The following ARHGAP39 variants were observed in gnomAD, a reference collection of about 807,000 sequenced individuals.
The protein encoded by ARHGAP39 is Rho GTPase activating protein 39.
ARHGAP39 carries 44 observed loss-of-function variants against 106.9 expected under a neutral mutation model. The observed-to-expected ratio is 0.41, with a 90% CI of 0.32 to 0.53. The LOEUF (loss-of-function observed/expected upper bound fraction) is 0.53. ARHGAP39 is among the 20% of genes least tolerant of loss of function. ARHGAP39 has a pLI of 0.21. For missense variants in ARHGAP39, 1,496 were observed against 1,577.3 expected (o/e 0.95, Z 0.87); for synonymous variants, 768 against 693.2 (o/e 1.11, Z -1.69).
the ARHGAP39 span, among the ~76,000 whole-genome samples, chr8:144,695,365 C>T: frequency 6.6e-6 from 1 of 151,424 alleles, no homozygotes; most frequent in Admixed American, 6.6e-5. Context: ...TGAACCACTG[C>T]GCCTGGCCAT....
In ARHGAP39 at chr8:144,545,334, C is replaced by A; in HGVS notation, c.2436G>T (p.Leu812=). The stretch of plus-strand genomic sequence containing the variant: ...ACTTGGGGGTGGGCGGGAAAAAGGC[C>A]AGGCAGATGGCCATGAGCTCCCAGC... The part of the protein sequence containing the change: ...ARGWELMAIC[L]AFFPPTPKFH... Residue 812 remains leucine (L), a synonymous_variant, in exon 6 of 12, where the codon CTG becomes CTT. Coordinates refer to ENST00000377307, the MANE Select transcript of ARHGAP39 (RefSeq NM_025251.3). 1 of 1,598,662 alleles carries A rather than the reference C, an allele frequency of 6.3e-7. No individual in the cohort carries two copies. Among genetic ancestry groups the A allele is most frequent in the Non-Finnish European group, 8.5e-7 (1 of 1,169,660 alleles).
At chr8:144,637,492 C>A (rs1821200493) in intron 1 of ARHGAP39, among the ~76,000 whole-genome samples, 1 of 152,132 alleles carries the variant, frequency 6.6e-6, no homozygotes, top group South Asian at 2.1e-4. Flanking sequence ...TGCCTGTAAT[C>A]CCAGCTACTC....
At chr8:144,622,713 A>G (rs1402275429) in intron 1 of ARHGAP39, among the ~76,000 whole-genome samples, 3 of 152,266 alleles carry the variant, frequency 2.0e-5, no homozygotes, top group Non-Finnish European at 4.4e-5. Flanking sequence ...AACTTTAAAA[A>G]TCTATCACTG....
rs886780013 is a variant in ARHGAP39, at chr8:144,644,293, C to T, written c.-81-38598G>A. Among the ~76,000 whole-genome samples, 1 of 152,134 alleles carries T rather than the reference C, an allele frequency of 6.6e-6. No individual in the cohort carries two copies. The highest frequency in any genetic ancestry group is 2.4e-5 in the African/African-American group (1 of 41,410). ...ACCCTGGAGAAAGTGTTTTAAAAAACAAAAGAAAGCAGGCAACAAAGTCAG... is the reference window on the plus strand; with the variant it reads ...ACCCTGGAGAAAGTGTTTTAAAAAATAAAAGAAAGCAGGCAACAAAGTCAG... On this transcript the variant is annotated intron_variant, in intron 1 of 11. Transcript: ENST00000377307. This position sits in a 1 kb window ranked among gnomAD's most constrained non-coding sequence, Gnocchi z 4.8.
At position 144,547,489 on chromosome 8, in the gene ARHGAP39, G is replaced by A. The variant is rs1297287349; in HGVS notation, c.1597C>T (p.Leu533Phe). The change falls in exon 5 of 12, where the codon CTC becomes TTC. Residue 533 changes from leucine (L) to phenylalanine (F), a missense_variant. Physicochemically the swap from Leu to Phe is conservative, Grantham distance 22. Transcript: ENST00000377307. The surrounding 1 kb of genome is among the most constrained non-coding windows in gnomAD (Gnocchi z 5.2). ...CCTTCCGCTCGCTTCACGGGGGCGAGGCTGGTCCCGCACGGGGGCTGTTCC... is the reference window on the plus strand; with the variant it reads ...CCTTCCGCTCGCTTCACGGGGGCGAAGCTGGTCCCGCACGGGGGCTGTTCC... ...AEEQPPCGTS[L>F]APVKRAEGEA... is the part of the protein sequence containing the mutation. 1.3e-6 allele frequency: 2 copies of A among 1,522,530 alleles called. No individual in the cohort carries two copies. The highest frequency in any genetic ancestry group is 1.8e-6 in the Non-Finnish European group (2 of 1,138,970). The allele number at this position is 1,522,530 out of a possible 1,614,324, so 94.3% of individuals were successfully genotyped here. A position where few individuals can be genotyped will look rare whatever the true frequency, so the allele number is the denominator to read the frequency against.
intron 3 of ARHGAP39, among the ~76,000 whole-genome samples, chr8:144,565,804 G>A (rs1818372550): frequency 6.6e-6 from 1 of 151,904 alleles, no homozygotes; most frequent in African/African-American, 2.4e-5. Context: ...CACAAACACA[G>A]TCTAAAGAAA....
chr8:144,697,691 C>A, the ARHGAP39 span, among the ~76,000 whole-genome samples: 1 of 152,024 alleles, frequency 6.6e-6, no homozygotes, highest in East Asian at 1.9e-4. Flanking sequence ...AGGGTTTCAC[C>A]ATGTTGGCCA....
At position 144,658,049 on chromosome 8, in the gene ARHGAP39, G is replaced by T. The variant is rs577244967; in HGVS notation, c.-82+27637C>A. On this transcript the variant is annotated intron_variant, in intron 1 of 11. Transcript: ENST00000377307. ...CACTGGATATTAAAATTAATCTAGG[G>T]ATGATTTAAAGTACACAGGATGATA... 6.0e-4 allele frequency among the ~76,000 whole-genome samples: 92 copies of T among 152,208 alleles called. 1 individual carries two copies. The highest frequency in any genetic ancestry group is 2.0e-3 in the African/African-American group (85 of 41,510).
At position 144,581,198 on chromosome 8, in the gene ARHGAP39, C is replaced by T; in HGVS notation, c.160G>A (p.Asp54Asn). ...TTGATGCGGACGCCGGCCGGCGGGT[C>T]CCACACGCACTCACCGGTGACCAGG... ...ANLVTGECVW[D>N]PPAGVRIKRT... The change falls in exon 3 of 12, where the codon GAC becomes AAC. Residue 54 changes from aspartate (D) to asparagine (N), a missense_variant. By Grantham distance (23) the Asp-to-Asn change is conservative. This residue lies in a region of ARHGAP39 where 96 missense variants were observed against 107.9 expected (regional missense o/e 0.89). Coordinates refer to ENST00000377307, the MANE Select transcript of ARHGAP39 (RefSeq NM_025251.3). 6.4e-7 allele frequency: 1 copy of T among 1,557,810 alleles called. No homozygotes were observed. The highest frequency in any genetic ancestry group is 8.7e-7 in the Non-Finnish European group (1 of 1,151,432).
chr8:144,577,235 A>G (rs1818809728), intron 3 of ARHGAP39, among the ~76,000 whole-genome samples: 1 of 152,208 alleles, frequency 6.6e-6, no homozygotes, highest in Non-Finnish European at 1.5e-5. Context: ...GTTTTTCAAA[A>G]GCACACAGAT....
At chr8:144,652,371 A>G (rs1443506029) in intron 1 of ARHGAP39, among the ~76,000 whole-genome samples, 1 of 152,202 alleles carries the variant, frequency 6.6e-6, no homozygotes, top group Non-Finnish European at 1.5e-5. Context: ...AAAAAGCTAA[A>G]AGCAGAACTA....
At chr8:144,543,349 G>A (rs1267054706) in intron 6 of ARHGAP39, among the ~76,000 whole-genome samples, 1 of 152,176 alleles carries the variant, frequency 6.6e-6, no homozygotes, top group Non-Finnish European at 1.5e-5. Context: ...CTGGCTGGAG[G>A]GGGTGTGAGG....
chr8:144,673,156 A>G (rs1186858707), intron 1 of ARHGAP39, among the ~76,000 whole-genome samples: 2 of 152,008 alleles, frequency 1.3e-5, no homozygotes, highest in Admixed American at 1.3e-4. Context: ...GGTCAAAGAT[A>G]CAGTGAGCAG....
At chr8:144,621,401 C>T (rs1363381299) in intron 1 of ARHGAP39, among the ~76,000 whole-genome samples, 1 of 152,238 alleles carries the variant, frequency 6.6e-6, no homozygotes, top group Non-Finnish European at 1.5e-5. Flanking sequence ...CCACAAACCC[C>T]AGGAAGAGAC....
chr8:144,582,842 C>A (rs558210002), intron 2 of ARHGAP39, among the ~76,000 whole-genome samples: 1 of 152,146 alleles, frequency 6.6e-6, no homozygotes, highest in Admixed American at 6.5e-5. Context: ...CTCCTGAGGC[C>A]CGCCTGTGGA....
intron 3 of ARHGAP39, among the ~76,000 whole-genome samples, chr8:144,562,051 A>C (rs932723817): frequency 7.1e-6 from 1 of 141,066 alleles, no homozygotes; most frequent in Admixed American, 7.1e-5. Context: ...GACTTACTCC[A>C]GTGGTTTCCA....
intron 1 of ARHGAP39, among the ~76,000 whole-genome samples, chr8:144,639,054 C>T (rs1330572493): frequency 6.6e-6 from 1 of 152,140 alleles, no homozygotes; most frequent in African/African-American, 2.4e-5. Flanking sequence ...GGGCCAGGAG[C>T]GGTGGCTCAC....
At chr8:144,664,987 T>C (rs1345299823) in intron 1 of ARHGAP39, among the ~76,000 whole-genome samples, 3 of 151,888 alleles carry the variant, frequency 2.0e-5, no homozygotes, top group Admixed American at 6.6e-5. Context: ...GACAGGAAAA[T>C]GTGGGAAAGT....
At chr8:144,581,409 C>T in intron 2 of ARHGAP39, 132 bp from the exon 3 acceptor site, 1 of 1,027,444 alleles carries the variant, frequency 9.7e-7, no homozygotes. Flanking sequence ...CAAACCCAAG[C>T]CCAGTCCGCC....
Sources: allele counts gnomAD v4.1 joint callset (sites outside exome capture counted in the v4.1 genomes callset), GRCh38; gene constraint gnomAD v4.1.1; regional missense constraint gnomAD v4.1.1; non-coding constraint Gnocchi (gnomAD v3.1); transcripts MANE v1.5; gene names NCBI Gene and HGNC (gene_info 2026-07-23, HGNC 2026-07-21).